The following RAB2A variants were observed in gnomAD, a reference collection of about 807,000 sequenced individuals.
RAB2A encodes the protein RAB2A, member RAS oncogene family, also known as ras-related protein Rab-2A.
In RAB2A, 7 loss-of-function variants were observed where a neutral mutation model predicts 32.5. The ratio of observed to expected loss-of-function variants is 0.22; its 90% CI spans 0.12 to 0.40. The LOEUF (loss-of-function observed/expected upper bound fraction) is 0.40. Among genes scored for constraint, RAB2A ranks in the 10% least tolerant of loss-of-function variants. The probability of loss-of-function intolerance (pLI) is 1.00; values close to 1 mark genes in which losing one functional copy is unlikely to be tolerated. For missense variants in RAB2A, 108 were observed against 260.7 expected, an observed-to-expected ratio of 0.41 and a Z score of 4.03; for synonymous variants, 79 against 85.2, an observed-to-expected ratio of 0.93 and a Z score of 0.40.
chr8:60,551,321 G>A (rs143690441), intron 1 of RAB2A, among the ~76,000 whole-genome samples: 1 of 152,336 alleles, frequency 6.6e-6, no homozygotes, highest in East Asian at 1.9e-4. Context: ...GGAGATACAT[G>A]TGGCTAATGC....
chr8:60,536,563 A>C, intron 1 of RAB2A, among the ~76,000 whole-genome samples: 1 of 152,220 alleles, frequency 6.6e-6, no homozygotes, highest in East Asian at 1.9e-4. Context: ...TGGTCAGATT[A>C]AAGTGTGTTA....
chr8:60,541,383 G>A (rs536113821), intron 1 of RAB2A, among the ~76,000 whole-genome samples: 1 of 152,270 alleles, frequency 6.6e-6, no homozygotes, highest in Non-Finnish European at 1.5e-5. Context: ...GAAAAAATTA[G>A]AACTTTAAGG....
At chr8:60,532,844 A>G (rs977059047) in intron 1 of RAB2A, among the ~76,000 whole-genome samples, 1 of 152,240 alleles carries the variant, frequency 6.6e-6, no homozygotes, top group Non-Finnish European at 1.5e-5. Flanking sequence ...TAAGAACTGT[A>G]TCCATAAAGG....
chr8:60,530,161 TTGAGA>T (rs1481022243), intron 1 of RAB2A, among the ~76,000 whole-genome samples: 1 of 149,588 alleles, frequency 6.7e-6, no homozygotes, highest in African/African-American at 2.5e-5. Context: ...TTTTTTTTTT[TTGAGA>T]GAGAGAGAGT....
intron 3 of RAB2A, among the ~76,000 whole-genome samples, chr8:60,575,052 T>G (rs1808250223): frequency 6.6e-6 from 1 of 151,764 alleles, no homozygotes; most frequent in Non-Finnish European, 1.5e-5. Flanking sequence ...CTTGAGTCTT[T>G]GTCTTACAGG....
In RAB2A at chr8:60,547,555, G is replaced by A. The variant is rs552385607; in HGVS notation, c.47-11297G>A. Among the ~76,000 whole-genome samples, 73 of 151,154 alleles carry A rather than the reference G, an allele frequency of 4.8e-4. 1 individual carries two copies. The highest frequency in any genetic ancestry group is 1.7e-3 in the African/African-American group (72 of 41,250). ...CTCCCCCCACCTCCCTCCTGGATGG[G>A]GCGGCTGGCTGGGCAGAGGGGCTCC... On this transcript the variant is annotated intron_variant, in intron 1 of 7. Transcript: ENST00000262646.
chr8:60,527,554 G>A (rs889099106), intron 1 of RAB2A, among the ~76,000 whole-genome samples: 1 of 152,120 alleles, frequency 6.6e-6, no homozygotes, highest in African/African-American at 2.4e-5. Context: ...CCCCTAGCAT[G>A]TGGGGATTAC....
intron 1 of RAB2A, among the ~76,000 whole-genome samples, chr8:60,545,313 T>C (rs1178523874): frequency 6.6e-6 from 1 of 152,124 alleles, no homozygotes; most frequent in Non-Finnish European, 1.5e-5. Flanking sequence ...TTTTTTAATT[T>C]TTATTTTTGG....
At chr8:60,531,819 T>A (rs901729364) in intron 1 of RAB2A, among the ~76,000 whole-genome samples, 4 of 148,594 alleles carry the variant, frequency 2.7e-5, no homozygotes, top group East Asian at 1.9e-4. Flanking sequence ...TTTTTTTTTT[T>A]AACACGGATT....
chr8:60,563,972 C>T (rs1808065456), intron 2 of RAB2A, among the ~76,000 whole-genome samples: 1 of 152,186 alleles, frequency 6.6e-6, no homozygotes, highest in Non-Finnish European at 1.5e-5. Flanking sequence ...CTGACATTTA[C>T]AGCTAGACAG....
Position 60,591,851 on chromosome 8 carries a change from T to G in RAB2A, c.363-7T>G. On this transcript the variant is annotated splice_region_variant and splice_polypyrimidine_tract_variant and intron_variant, in intron 5 of 7. Coordinates refer to ENST00000262646, the MANE Select transcript of RAB2A (RefSeq NM_002865.3). ...TAGTAATGTGACCCTTTCTTTCCCA[T>G]GTTTAGTGATTTAGAATCTAGAAGA... 1 of 1,559,212 alleles carries G rather than the reference T, an allele frequency of 6.4e-7. No homozygotes were observed. The highest frequency in any genetic ancestry group is 8.8e-7 in the Non-Finnish European group (1 of 1,131,880).
intron 6 of RAB2A, among the ~76,000 whole-genome samples, chr8:60,606,395 G>A (rs373904519): frequency 6.6e-6 from 1 of 152,178 alleles, no homozygotes; most frequent in Non-Finnish European, 1.5e-5. Context: ...TATCTGTCCA[G>A]ATGATATTGG....
intron 1 of RAB2A, among the ~76,000 whole-genome samples, chr8:60,541,675 A>G (rs552554641): frequency 1.3e-4 from 20 of 152,342 alleles, no homozygotes; most frequent in African/African-American, 4.6e-4. Flanking sequence ...GGCGACGAGC[A>G]CAACTCCATT....
chr8:60,519,229 A>G (rs576363922), intron 1 of RAB2A, among the ~76,000 whole-genome samples: 58 of 152,344 alleles, frequency 3.8e-4, no homozygotes, highest in African/African-American at 1.3e-3. Flanking sequence ...ATCCTGAAGC[A>G]TGAATGTCAA....
chr8:60,605,832 C>CATATATATATATAT lies in RAB2A; in HGVS notation c.475-12741_475-12740insTATATATATATATA, dbSNP rs1328541490. ...GGCTCATAGGCAAAAGGGACTAATACATATATACATATATATATATAATGC... is the reference window on the plus strand; with the variant it reads ...GGCTCATAGGCAAAAGGGACTAATACATATATATATATATATATATACATATATATATATAATGC... On this transcript the variant is annotated intron_variant, in intron 6 of 7. Transcript: ENST00000262646. Among the ~76,000 whole-genome samples, 856 of 120,736 alleles carry CATATATATATATAT rather than the reference C, an allele frequency of 7.1e-3. 69 individuals are homozygous for CATATATATATATAT. The highest frequency in any genetic ancestry group is 0.022 in the African/African-American group (571 of 26,082). 79.2% of individuals were successfully genotyped at this position (120,736 alleles called of 152,430 possible). A position where few individuals can be genotyped will look rare whatever the true frequency, so the allele number is the denominator to read the frequency against.
chr8:60,569,154 CAG>C (rs1309313819), intron 2 of RAB2A, among the ~76,000 whole-genome samples: 1 of 152,148 alleles, frequency 6.6e-6, no homozygotes, highest in Non-Finnish European at 1.5e-5. Context: ...GATAGGAAAA[CAG>C]AAATCATAGT....
intron 2 of RAB2A, among the ~76,000 whole-genome samples, chr8:60,562,510 G>A (rs1305042977): frequency 1.3e-5 from 2 of 152,156 alleles, no homozygotes; most frequent in African/African-American, 2.4e-5. Context: ...AACAAAGATG[G>A]TAGCTAACAT....
intron 6 of RAB2A, among the ~76,000 whole-genome samples, chr8:60,599,510 G>A (rs1048702941): frequency 2.0e-5 from 3 of 152,160 alleles, no homozygotes; most frequent in East Asian, 1.9e-4. Flanking sequence ...ACAATGGGAT[G>A]AATCCACCCA....
At chr8:60,579,589 A>C (rs1316792060) in intron 3 of RAB2A, among the ~76,000 whole-genome samples, 1 of 152,136 alleles carries the variant, frequency 6.6e-6, no homozygotes, top group Non-Finnish European at 1.5e-5. Flanking sequence ...CCAACAGTTT[A>C]TAGTGAAGAG....
Sources: allele counts gnomAD v4.1 joint callset (sites outside exome capture counted in the v4.1 genomes callset), GRCh38; gene constraint gnomAD v4.1.1; transcripts MANE v1.5; gene names NCBI Gene and HGNC (gene_info 2026-07-23, HGNC 2026-07-21).